TULP3: variants seen among roughly 807,000 people sequenced by gnomAD.
TULP3 encodes tubby-related protein 3.
TULP3 carries 38 observed loss-of-function variants against 50.7 expected under a neutral mutation model. The observed-to-expected ratio is 0.75, with a 90% CI of 0.58 to 0.98. The LOEUF (loss-of-function observed/expected upper bound fraction) is 0.98. Among genes scored for constraint, TULP3 ranks in the 50% least tolerant of loss-of-function variants. TULP3 has a pLI of 0.00. For synonymous variants in TULP3, 183 were observed against 196.6 expected (o/e 0.93, Z 0.58); for missense variants, 550 against 568.0 (o/e 0.97, Z 0.32).
At chr12:2,913,648 TC>T (rs1321405841) in intron 2 of TULP3, among the ~76,000 whole-genome samples, 1 of 152,106 alleles carries the variant, frequency 6.6e-6, no homozygotes, top group African/African-American at 2.4e-5. Flanking sequence ...TATTTCTCTG[TC>T]CCCCAGGCTG....
chr12:2,902,895 G>A (rs1178461261), intron 1 of TULP3, among the ~76,000 whole-genome samples: 7 of 149,338 alleles, frequency 4.7e-5, no homozygotes, highest in South Asian at 2.1e-4. Context: ...AGAGTCTCGC[G>A]CTGTTGCCCA....
chr12:2,896,123 A>G (rs2098175443), intron 1 of TULP3, among the ~76,000 whole-genome samples: 1 of 152,112 alleles, frequency 6.6e-6, no homozygotes, highest in Non-Finnish European at 1.5e-5. Flanking sequence ...TATTTTTAGT[A>G]GAAACGGGGT....
At position 2,939,220 on chromosome 12, in the gene TULP3, A is replaced by C; in HGVS notation, c.1196-91A>C. 1.4e-4 allele frequency: 206 copies of C among 1,439,610 alleles called. No individual in the cohort carries two copies. Among genetic ancestry groups the C allele is most frequent in the Middle Eastern group, 1.9e-4 (1 of 5,276 alleles). The allele number at this position is 1,439,610 out of a possible 1,614,324, so 89.2% of individuals were successfully genotyped here. A position where few individuals can be genotyped will look rare whatever the true frequency, so the allele number is the denominator to read the frequency against. On this transcript the variant is annotated intron_variant, in intron 10 of 10. Transcript: ENST00000448120. This position sits in a 1 kb window ranked among gnomAD's most constrained non-coding sequence, Gnocchi z 4.0. ...GGCTCCAGCCAGGGCGACAGAGCAA[A>C]ACCCCATCTAAGAAAAGGAAGAAAA...
intron 3 of TULP3, 75 bp downstream of exon 3, chr12:2,920,997 C>A: frequency 1.3e-6 from 2 of 1,556,978 alleles, no homozygotes; most frequent in Non-Finnish European, 1.8e-6. Flanking sequence ...GATTGTCAGA[C>A]GGACCAAAGG....
chr12:2,935,778 A>G (rs190316713), intron 8 of TULP3, among the ~76,000 whole-genome samples: 12 of 150,370 alleles, frequency 8.0e-5, no homozygotes, highest in African/African-American at 2.7e-4. Context: ...AGACCAGCCT[A>G]GGCAACATGG....
intron 1 of TULP3, among the ~76,000 whole-genome samples, chr12:2,891,199 C>G (rs1326909805): frequency 1.3e-5 from 2 of 152,162 alleles, no homozygotes; most frequent in African/African-American, 4.8e-5. Context: ...CACTACATCC[C>G]GCGCCGTGGG....
rs772565838 is a variant in TULP3, at chr12:2,920,777, G to A, written c.108G>A (p.Glu36=). ...AKLDYQRLLL[E]KRQRKKRLEP... is the part of the protein sequence containing the mutation. ...TTTTTTCCCAGAGGCTACTACTTGA[G>A]AAGAGGCAAAGGAAAAAGCGCCTTG... Residue 36 remains glutamate (E), a synonymous_variant, in exon 3 of 11, where the codon GAG becomes GAA. Coordinates refer to ENST00000448120, the MANE Select transcript of TULP3 (RefSeq NM_003324.5). The A allele has an allele frequency of 6.2e-7, 1 of 1,614,158 alleles. No homozygotes were observed. Among genetic ancestry groups the A allele is most frequent in the Non-Finnish European group, 8.5e-7 (1 of 1,180,026 alleles).
At chr12:2,929,195 T>C (rs2098196414) in intron 4 of TULP3, among the ~76,000 whole-genome samples, 2 of 151,948 alleles carry the variant, frequency 1.3e-5, no homozygotes, top group Non-Finnish European at 2.9e-5. Context: ...CGCGCGCCTG[T>C]AGTCCCAGCT....
intron 1 of TULP3, among the ~76,000 whole-genome samples, chr12:2,907,206 C>T (rs907166244): frequency 6.6e-6 from 1 of 152,020 alleles, no homozygotes; most frequent in Non-Finnish European, 1.5e-5. Context: ...GGTACGATGC[C>T]TCACACCTGT....
intron 6 of TULP3, among the ~76,000 whole-genome samples, chr12:2,931,728 G>T (rs921022559): frequency 1.2e-4 from 19 of 152,154 alleles, no homozygotes; most frequent in Admixed American, 6.6e-5. Flanking sequence ...TATTAATTTT[G>T]TATTAATACC....
chr12:2,891,132 A>C, intron 1 of TULP3, 144 bp downstream of exon 1: 2 of 949,614 alleles, frequency 2.1e-6, no homozygotes, highest in Non-Finnish European at 1.4e-6. Context: ...CGGCGGCGGG[A>C]GGCGACCCCC....
At chr12:2,938,377 A>G in intron 10 of TULP3, 92 bp downstream of exon 10, 1 of 1,374,890 alleles carries the variant, frequency 7.3e-7, no homozygotes, top group Non-Finnish European at 9.9e-7. Context: ...AGGAAGTGAC[A>G]GTCAGCAGAT....
At chr12:2,901,807 A>G (rs563435267) in intron 1 of TULP3, among the ~76,000 whole-genome samples, 6 of 152,274 alleles carry the variant, frequency 3.9e-5, no homozygotes, top group East Asian at 1.9e-4. Context: ...TCTAATTTTC[A>G]TAACAGTATC....
intron 4 of TULP3, among the ~76,000 whole-genome samples, chr12:2,922,763 T>C (rs1489544327): frequency 6.6e-6 from 1 of 152,156 alleles, no homozygotes; most frequent in Non-Finnish European, 1.5e-5. Flanking sequence ...TGATGATTGA[T>C]AGCCTTTCTT....
chr12:2,937,585 A>AT lies in TULP3; in HGVS notation c.925-39dup, dbSNP rs747448895. On this transcript the variant is annotated intron_variant, in intron 8 of 10. Coordinates refer to ENST00000448120, the MANE Select transcript of TULP3 (RefSeq NM_003324.5). ...CATGTTATAAAAGAATGTGGTCTCT[A>AT]TTTTTTTCCTGTTTCCAAGTTCTGC... The AT allele has an allele frequency of 4.2e-5, 58 of 1,380,050 alleles. No individual in the cohort carries two copies. The Admixed American group carries it at 7.0e-4, about 17-fold the overall frequency. 85.5% of individuals were successfully genotyped at this position (1,380,050 alleles called of 1,614,324 possible).
rs1160191264 is a variant in TULP3, at chr12:2,940,774, A to T, written c.*1330A>T. 1.4e-6 allele frequency: 2 copies of T among 1,477,442 alleles called. No homozygotes were observed. The highest frequency in any genetic ancestry group is 1.8e-6 in the Non-Finnish European group (2 of 1,093,854). The allele number at this position is 1,477,442 out of a possible 1,614,324, so 91.5% of individuals were successfully genotyped here. On this transcript the variant is annotated 3_prime_UTR_variant, in exon 11 of 11. Coordinates refer to ENST00000448120, the MANE Select transcript of TULP3 (RefSeq NM_003324.5). Reference sequence around the variant, plus strand: ...GGGACCCTTGGCTTGTCCCCCACCGACAAGTCCCACCTGCTGGGTGAGGAC... The same window carrying T: ...GGGACCCTTGGCTTGTCCCCCACCGTCAAGTCCCACCTGCTGGGTGAGGAC...
chr12:2,920,608 CCT>C (rs1418655362), intron 2 of TULP3, among the ~76,000 whole-genome samples, 153 bp from the exon 3 acceptor site: 1 of 152,076 alleles, frequency 6.6e-6, no homozygotes, highest in Non-Finnish European at 1.5e-5. Context: ...AATCCTTACT[CCT>C]CTCTGTGCCT....
At chr12:2,929,738 G>A (rs1042254312) in intron 4 of TULP3, among the ~76,000 whole-genome samples, 3 of 151,796 alleles carry the variant, frequency 2.0e-5, no homozygotes, top group Non-Finnish European at 4.4e-5. Flanking sequence ...CTACAGGTGC[G>A]TGCCACCACA....
intron 8 of TULP3, among the ~76,000 whole-genome samples, chr12:2,935,358 G>A (rs943207823): frequency 6.6e-6 from 1 of 152,066 alleles, no homozygotes. Context: ...CTTCATCTGC[G>A]TCCTTGTAGC....
Sources: gnomAD v4.1 joint callset for allele counts (sites outside exome capture counted in the v4.1 genomes callset) on GRCh38, gnomAD v4.1.1 for gene constraint, Gnocchi (gnomAD v3.1) non-coding constraint, MANE v1.5 for transcripts, NCBI Gene and HGNC (gene_info 2026-07-23, HGNC 2026-07-21) for gene names.